The following KHDRBS2 variants were observed in gnomAD, a reference collection of about 807,000 sequenced individuals.
The protein encoded by KHDRBS2 is KH domain-containing, RNA-binding, signal transduction-associated protein 2.
Under a neutral mutation model 44.3 loss-of-function variants are expected in KHDRBS2, and 26 were observed. The ratio of observed to expected loss-of-function variants is 0.59; its 90% CI spans 0.43 to 0.81. The LOEUF (loss-of-function observed/expected upper bound fraction) is 0.81, where lower values mean the gene tolerates loss of function less well. KHDRBS2 is among the 40% of genes least tolerant of loss of function. The pLI is 0.00. For synonymous variants in KHDRBS2, 194 were observed against 151.1 expected, an observed-to-expected ratio of 1.28 and a Z score of -2.08; for missense variants, 476 against 433.1, an observed-to-expected ratio of 1.10 and a Z score of -0.88.
intron 2 of KHDRBS2, among the ~76,000 whole-genome samples, chr6:62,130,109 T>C (rs754367230): frequency 1.3e-5 from 2 of 152,212 alleles, no homozygotes; most frequent in Non-Finnish European, 2.9e-5. Context: ...GCTATGTCTA[T>C]GAAAACTAAT....
At chr6:62,250,416 T>C (rs1836318846) in intron 1 of KHDRBS2, among the ~76,000 whole-genome samples, 1 of 152,068 alleles carries the variant, frequency 6.6e-6, no homozygotes, top group Non-Finnish European at 1.5e-5. Context: ...TGTACTTAAA[T>C]AGTGAACTTC....
At chr6:61,672,347 T>C in the KHDRBS2 span, among the ~76,000 whole-genome samples, 11 of 152,186 alleles carry the variant, frequency 7.2e-5, no homozygotes, top group South Asian at 2.3e-3. Context: ...TTATAGTCCT[T>C]TGGGTATAAA....
chr6:61,842,386 T>C (rs2127273248), intron 6 of KHDRBS2, among the ~76,000 whole-genome samples: 1 of 152,328 alleles, frequency 6.6e-6, no homozygotes, highest in South Asian at 2.1e-4. Flanking sequence ...ATTCAAAACT[T>C]GTTTTGAATA....
the KHDRBS2 span, among the ~76,000 whole-genome samples, chr6:61,582,266 C>T: frequency 1.3e-5 from 2 of 150,956 alleles, no homozygotes; most frequent in Non-Finnish European, 3.0e-5. Flanking sequence ...TTAGACTGAA[C>T]AATGAAAAAT....
chr6:61,734,561 T>A (rs920681949), intron 6 of KHDRBS2, among the ~76,000 whole-genome samples: 1 of 152,116 alleles, frequency 6.6e-6, no homozygotes, highest in Non-Finnish European at 1.5e-5. Context: ...AGTTCTATTA[T>A]TTCCCTTACT....
At chr6:61,685,205 T>C (rs1302072070) in intron 8 of KHDRBS2, among the ~76,000 whole-genome samples, 1 of 151,822 alleles carries the variant, frequency 6.6e-6, no homozygotes, top group Non-Finnish European at 1.5e-5. Context: ...TGAGCAAATA[T>C]ACTTAGTAAG....
chr6:62,160,950 C>G (rs1242645970), intron 2 of KHDRBS2, among the ~76,000 whole-genome samples: 1 of 152,104 alleles, frequency 6.6e-6, no homozygotes, highest in Non-Finnish European at 1.5e-5. Context: ...AACTGAAACT[C>G]TATATCCACT....
chr6:61,865,408 A>G (rs1797629917), intron 6 of KHDRBS2, among the ~76,000 whole-genome samples: 1 of 152,134 alleles, frequency 6.6e-6, no homozygotes, highest in South Asian at 2.1e-4. Context: ...CATGTCTTAT[A>G]TGGATAGCAG....
the KHDRBS2 span, among the ~76,000 whole-genome samples, chr6:61,671,442 T>A: frequency 2.0e-5 from 3 of 151,682 alleles, no homozygotes; most frequent in African/African-American, 7.3e-5. Flanking sequence ...CAGACAACTA[T>A]TTCTCCTGTT....
intron 6 of KHDRBS2, among the ~76,000 whole-genome samples, chr6:61,820,696 TA>T (rs990033037): frequency 6.6e-6 from 1 of 152,034 alleles, no homozygotes; most frequent in Non-Finnish European, 1.5e-5. Flanking sequence ...TGTTTTAATG[TA>T]AATTTGCAGA....
intron 6 of KHDRBS2, among the ~76,000 whole-genome samples, chr6:61,880,691 C>T (rs1320708705): frequency 6.6e-6 from 1 of 151,846 alleles, no homozygotes; most frequent in Non-Finnish European, 1.5e-5. Flanking sequence ...CCAACTAAAT[C>T]CCCAGAAATA....
intron 4 of KHDRBS2, among the ~76,000 whole-genome samples, chr6:61,974,119 C>T (rs571969267): frequency 6.6e-6 from 1 of 152,074 alleles, no homozygotes; most frequent in African/African-American, 2.4e-5. Flanking sequence ...ATTAGTAAAA[C>T]TTATTAATTC....
the KHDRBS2 span, chr6:61,659,112 C>T: frequency 1.3e-5 from 2 of 151,820 alleles, no homozygotes; most frequent in Admixed American, 1.3e-4. Flanking sequence ...TGGAGTTAAA[C>T]TTACATTGGT....
At chr6:62,213,384 C>A (rs1829420396) in intron 1 of KHDRBS2, among the ~76,000 whole-genome samples, 1 of 151,898 alleles carries the variant, frequency 6.6e-6, no homozygotes, top group Non-Finnish European at 1.5e-5. Context: ...GTCTGTGGAT[C>A]CCCACCTCTT....
At chr6:62,072,754 T>G (rs1024136744) in intron 2 of KHDRBS2, among the ~76,000 whole-genome samples, 49 of 152,218 alleles carry the variant, frequency 3.2e-4, no homozygotes, top group Non-Finnish European at 8.8e-5. Context: ...ATTATTTTAT[T>G]GAGGATTTTT....
intron 1 of KHDRBS2, among the ~76,000 whole-genome samples, chr6:62,240,242 A>G (rs1834377779): frequency 6.6e-6 from 1 of 152,146 alleles, no homozygotes; most frequent in African/African-American, 2.4e-5. Context: ...TTCTCTCAGT[A>G]GGCTCCTTTG....
At chr6:61,557,149 C>T in the KHDRBS2 span, among the ~76,000 whole-genome samples, 2 of 152,122 alleles carry the variant, frequency 1.3e-5, no homozygotes, top group African/African-American at 4.8e-5. Flanking sequence ...TAGAAGTCCA[C>T]TGCTTCACAC....
intron 6 of KHDRBS2, among the ~76,000 whole-genome samples, chr6:61,766,318 T>C (rs1368379346): frequency 1.3e-5 from 2 of 152,080 alleles, no homozygotes; most frequent in Non-Finnish European, 2.9e-5. Context: ...GTGTCAGTTG[T>C]AATGTGTCCT....
intron 2 of KHDRBS2, among the ~76,000 whole-genome samples, chr6:62,093,856 T>TTGTG (rs61194705): frequency 0.23 from 32,388 of 143,038 alleles, 3,756 homozygotes; most frequent in East Asian, 0.4. Flanking sequence ...TTCCATTGTT[T>TTGTG]TGTGTGTGTG....
Sources: allele counts gnomAD v4.1 joint callset (sites outside exome capture counted in the v4.1 genomes callset), GRCh38; gene constraint gnomAD v4.1.1; transcripts MANE v1.5; gene names NCBI Gene and HGNC (gene_info 2026-07-23, HGNC 2026-07-21).